Variants in TAF3 observed in about 807,000 individuals in gnomAD.
The protein encoded by TAF3 is transcription initiation factor TFIID subunit 3.
In TAF3, 7 loss-of-function variants were observed where a neutral mutation model predicts 80.6. The observed-to-expected ratio is 0.09, with a 90% CI of 0.05 to 0.16. The LOEUF is 0.16. TAF3 is among the 10% of genes least tolerant of loss of function. TAF3 has a pLI of 1.00. For missense variants in TAF3, 921 were observed against 1,140.2 expected, an observed-to-expected ratio of 0.81 and a Z score of 2.77; for synonymous variants, 444 against 446.1, an observed-to-expected ratio of 1.00 and a Z score of 0.06.
chr10:7,840,241 C>G (rs1299918782), intron 2 of TAF3, among the ~76,000 whole-genome samples: 1 of 151,706 alleles, frequency 6.6e-6, no homozygotes, highest in African/African-American at 2.4e-5. Flanking sequence ...CAAACTCCAC[C>G]TCATGGGTTC....
At chr10:8,004,468 A>AT (rs983967628) in intron 4 of TAF3, among the ~76,000 whole-genome samples, 9 of 149,226 alleles carry the variant, frequency 6.0e-5, no homozygotes, top group South Asian at 2.1e-4. Context: ...TTGCTTTAGA[A>AT]TTTTTTTTTT....
chr10:8,015,036 TA>T lies in TAF3; in HGVS notation c.*288del. ...TAATACCAGTGACAAGTATTATTAA[TA>T]AAGAGCGTACATCTTCCCTTTTGAT... On this transcript the variant is annotated 3_prime_UTR_variant, in exon 7 of 7. Transcript: ENST00000344293. 1 of 284,436 alleles carries T rather than the reference TA, an allele frequency of 3.5e-6. No individual in the cohort carries two copies. Among genetic ancestry groups the T allele is most frequent in the Non-Finnish European group, 6.8e-6 (1 of 147,832 alleles). 17.6% of individuals were successfully genotyped at this position (284,436 alleles called of 1,614,324 possible). A position where few individuals can be genotyped will look rare whatever the true frequency, so the allele number is the denominator to read the frequency against.
intron 4 of TAF3, among the ~76,000 whole-genome samples, chr10:7,983,451 C>T (rs1175112067): frequency 6.6e-6 from 1 of 152,176 alleles, no homozygotes; most frequent in Non-Finnish European, 1.5e-5. Context: ...CAAAAGGATA[C>T]TTTAGATGTA....
At chr10:7,861,308 A>G (rs552669983) in intron 2 of TAF3, among the ~76,000 whole-genome samples, 23 of 151,912 alleles carry the variant, frequency 1.5e-4, no homozygotes, top group South Asian at 6.2e-4. Context: ...GGGTTTCACT[A>G]TCTTGGCCAG....
At chr10:7,965,823 T>TCA in intron 3 of TAF3, 81 bp downstream of exon 3, 1 of 1,409,192 alleles carries the variant, frequency 7.1e-7, no homozygotes, top group Non-Finnish European at 9.3e-7. Flanking sequence ...CAATTATATC[T>TCA]GTATTCTGGG....
At chr10:8,001,407 T>C (rs1219792862) in intron 4 of TAF3, among the ~76,000 whole-genome samples, 1 of 152,230 alleles carries the variant, frequency 6.6e-6, no homozygotes, top group East Asian at 1.9e-4. Context: ...TTTTTTATTC[T>C]ATTTTCTACT....
intron 2 of TAF3, among the ~76,000 whole-genome samples, chr10:7,912,358 G>A (rs756923320): frequency 7.9e-5 from 12 of 152,274 alleles, no homozygotes; most frequent in African/African-American, 2.2e-4. Context: ...CGTTGGCCCC[G>A]CAAAGCGCTG....
intron 2 of TAF3, among the ~76,000 whole-genome samples, chr10:7,885,173 G>T (rs1837397706): frequency 6.6e-6 from 1 of 151,768 alleles, no homozygotes; most frequent in Non-Finnish European, 1.5e-5. Context: ...TTGCATGACA[G>T]TGTGAAAATA....
intron 4 of TAF3, among the ~76,000 whole-genome samples, chr10:8,003,867 A>G (rs935051125): frequency 1.3e-5 from 2 of 152,142 alleles, no homozygotes; most frequent in African/African-American, 4.8e-5. Flanking sequence ...GCAACAGAGC[A>G]AGACGCCATT....
chr10:8,010,833 G>A (rs1832047065), intron 5 of TAF3, among the ~76,000 whole-genome samples: 1 of 152,128 alleles, frequency 6.6e-6, no homozygotes, highest in African/African-American at 2.4e-5. Context: ...TTGCTTGAAC[G>A]GGAGGCAGAG....
At chr10:7,855,208 ACTTCT>A (rs1837066490) in intron 2 of TAF3, among the ~76,000 whole-genome samples, 1 of 152,214 alleles carries the variant, frequency 6.6e-6, no homozygotes, top group African/African-American at 2.4e-5. Flanking sequence ...GGCTTCAGGT[ACTTCT>A]GGAAGTGAGG....
intron 2 of TAF3, among the ~76,000 whole-genome samples, chr10:7,899,230 G>A (rs757039512): frequency 4.6e-5 from 7 of 152,098 alleles, no homozygotes; most frequent in East Asian, 1.9e-4. Flanking sequence ...ATCTGGAGCC[G>A]TTCTCATTCG....
chr10:7,834,783 C>T (rs1836835267), intron 2 of TAF3, among the ~76,000 whole-genome samples: 1 of 152,158 alleles, frequency 6.6e-6, no homozygotes, highest in Non-Finnish European at 1.5e-5. Flanking sequence ...GCAACTGATA[C>T]TATCATTCAT....
At chr10:7,840,388 G>A (rs1318966805) in intron 2 of TAF3, among the ~76,000 whole-genome samples, 1 of 151,922 alleles carries the variant, frequency 6.6e-6, no homozygotes, top group East Asian at 1.9e-4. Flanking sequence ...TCCTGACCTT[G>A]TGATCCGCCC....
intron 2 of TAF3, among the ~76,000 whole-genome samples, chr10:7,961,015 C>T (rs1394281021): frequency 1.3e-5 from 2 of 152,176 alleles, no homozygotes; most frequent in African/African-American, 4.8e-5. Flanking sequence ...GAACCACAAG[C>T]TCAGATTTGC....
chr10:7,862,616 T>C (rs1837159017), intron 2 of TAF3, among the ~76,000 whole-genome samples: 1 of 152,240 alleles, frequency 6.6e-6, no homozygotes, highest in South Asian at 2.1e-4. Flanking sequence ...ACAGTCAAAA[T>C]TATGAAGATA....
chr10:7,944,341 T>A (rs1191980299), intron 2 of TAF3, among the ~76,000 whole-genome samples: 2 of 152,182 alleles, frequency 1.3e-5, no homozygotes, highest in Non-Finnish European at 2.9e-5. Flanking sequence ...ATTTGACTCT[T>A]GTAAGACATA....
At chr10:7,880,223 G>A (rs1449344052) in intron 2 of TAF3, among the ~76,000 whole-genome samples, 1 of 152,160 alleles carries the variant, frequency 6.6e-6, no homozygotes, top group Admixed American at 6.5e-5. Context: ...GGGTGACAGA[G>A]TGAAACCTTG....
intron 2 of TAF3, among the ~76,000 whole-genome samples, chr10:7,846,823 A>T (rs1001699209): frequency 2.0e-5 from 3 of 152,116 alleles, no homozygotes; most frequent in African/African-American, 7.2e-5. Context: ...CAAATATGCT[A>T]AAAAAGACTA....
Sources: allele counts gnomAD v4.1 joint callset (sites outside exome capture counted in the v4.1 genomes callset), GRCh38; gene constraint gnomAD v4.1.1; transcripts MANE v1.5; gene names NCBI Gene and HGNC (gene_info 2026-07-23, HGNC 2026-07-21).